JARID2: variants seen among roughly 807,000 people sequenced by gnomAD.
The protein encoded by JARID2 is protein Jumonji.
Under a neutral mutation model 125.6 loss-of-function variants are expected in JARID2, and 21 were observed. The ratio of observed to expected loss-of-function variants is 0.17; its 90% CI spans 0.12 to 0.24. The LOEUF (loss-of-function observed/expected upper bound fraction) is 0.24. JARID2 is among the 10% of genes least tolerant of loss of function. The pLI is 1.00. For synonymous variants in JARID2, 736 were observed against 661.6 expected (o/e 1.11, Z -1.73); for missense variants, 1,303 against 1,639.6 (o/e 0.79, Z 3.55).
chr6:15,472,810 C>G (rs1016456771), intron 5 of JARID2, among the ~76,000 whole-genome samples: 1 of 152,246 alleles, frequency 6.6e-6, no homozygotes, highest in Non-Finnish European at 1.5e-5. Context: ...TGAGCAGGCA[C>G]TCACTTCCTG....
chr6:15,282,134 G>A (rs1190369598), intron 1 of JARID2, among the ~76,000 whole-genome samples: 4 of 152,144 alleles, frequency 2.6e-5, no homozygotes, highest in Non-Finnish European at 4.4e-5. Flanking sequence ...GTAGAGACCA[G>A]GTTTCACCAT....
At chr6:15,515,573 G>A (rs955927575) in intron 16 of JARID2, among the ~76,000 whole-genome samples, 19 of 152,090 alleles carry the variant, frequency 1.2e-4, no homozygotes, top group Admixed American at 1.2e-3. Flanking sequence ...ATCACTCGAG[G>A]CCAGGAGTGC....
At chr6:15,261,784 ATTT>A (rs58582193) in intron 1 of JARID2, among the ~76,000 whole-genome samples, 2 of 134,830 alleles carry the variant, frequency 1.5e-5, no homozygotes, top group South Asian at 2.4e-4. Context: ...AAATTCAGGG[ATTT>A]TTTTTTTTTT....
rs1230227826 is a variant in JARID2 at position 15,295,323 on chromosome 6, G to A, written c.45+48739G>A. ...TTTTTAGTAGAGACGGGATTTCACC[G>A]TGTTAGCCAGGATGGTCTTGATCTC... is the stretch of plus-strand genomic sequence containing the variant. On this transcript the variant is annotated intron_variant, in intron 1 of 17. Coordinates refer to ENST00000341776, the MANE Select transcript of JARID2 (RefSeq NM_004973.4). Among the ~76,000 whole-genome samples the A allele has an allele frequency of 2.0e-5, 3 of 151,946 alleles. 1 individual carries two copies. The highest frequency in any genetic ancestry group is 4.2e-4 in the South Asian group (2 of 4,814).
At chr6:15,320,848 C>G (rs565967569) in intron 1 of JARID2, among the ~76,000 whole-genome samples, 4,981 of 134,658 alleles carry the variant, frequency 0.037, 126 homozygotes, top group South Asian at 0.12. Flanking sequence ...TTCTCTCTCT[C>G]TCTCTGTGTG....
At chr6:15,263,065 GGTGTGTGTTT>G (rs772054374) in intron 1 of JARID2, among the ~76,000 whole-genome samples, 3,732 of 141,054 alleles carry the variant, frequency 0.026, 148 homozygotes, top group African/African-American at 0.095. Flanking sequence ...CCCTTTGGAG[GGTGTGTGTTT>G]GTGTGTGTGT....
At chr6:15,275,099 T>C (rs889991917) in intron 1 of JARID2, among the ~76,000 whole-genome samples, 1 of 152,198 alleles carries the variant, frequency 6.6e-6, no homozygotes, top group Non-Finnish European at 1.5e-5. Context: ...GGTGACAACC[T>C]CGGACCAGTG....
intron 1 of JARID2, among the ~76,000 whole-genome samples, chr6:15,258,559 G>A (rs1341634759): frequency 2.6e-5 from 4 of 152,124 alleles, no homozygotes; most frequent in Non-Finnish European, 4.4e-5. Context: ...CAAGGCGGGC[G>A]GATCACAAGG....
At chr6:15,513,527 C>T in intron 16 of JARID2, 105 bp downstream of exon 16, 4 of 1,117,976 alleles carry the variant, frequency 3.6e-6, no homozygotes, top group Non-Finnish European at 5.0e-6. Flanking sequence ...AGGAGACCTG[C>T]TGTGCTCCCA....
intron 1 of JARID2, among the ~76,000 whole-genome samples, chr6:15,320,858 G>C (rs1429257080): frequency 6.6e-6 from 1 of 151,136 alleles, no homozygotes; most frequent in African/African-American, 2.4e-5. Flanking sequence ...CTCTCTGTGT[G>C]TGTGTGTGTG....
Position 15,496,983 on chromosome 6 carries a change from G to T in JARID2, c.1758G>T (p.Met586Ile). 1 of 1,614,008 alleles carries T rather than the reference G, an allele frequency of 6.2e-7. No homozygotes were observed. Among genetic ancestry groups the T allele is most frequent in the Non-Finnish European group, 8.5e-7 (1 of 1,179,940 alleles). The change falls in exon 7 of 18, where the codon ATG (methionine) becomes ATT (isoleucine). Residue 586 changes from methionine to isoleucine, a missense_variant. Met to Ile is a conservative substitution (Grantham distance 10). Around this residue, in one of 11 missense-constraint regions of JARID2, gnomAD observed 651 missense variants for 581.6 expected, o/e 1.12. Transcript: ENST00000341776. ...GCGCTCAGGTGGAGAAGTTCGGGAT[G>T]TGCAGGGTGATCCCCCCTCCGGACT... ...SVRAQVEKFG[M>I]CRVIPPPDWR...
intron 1 of JARID2, among the ~76,000 whole-genome samples, chr6:15,335,757 T>A (rs1350744110): frequency 1.3e-5 from 2 of 152,170 alleles, no homozygotes; most frequent in African/African-American, 4.8e-5. Context: ...GCTCAGTGTT[T>A]CTGTGGACCA....
intron 1 of JARID2, among the ~76,000 whole-genome samples, chr6:15,334,025 G>A (rs912661038): frequency 3.3e-5 from 5 of 152,088 alleles, no homozygotes; most frequent in Non-Finnish European, 5.9e-5. Flanking sequence ...ACATCTTAGC[G>A]TGCGGAAGTC....
At position 15,511,281 on chromosome 6, in the gene JARID2, C is replaced by G. The variant is rs1561916685; in HGVS notation, c.2847-15C>G. 6.3e-7 allele frequency: 1 copy of G among 1,577,850 alleles called. No individual in the cohort carries two copies. The highest frequency in any genetic ancestry group is 8.7e-7 in the Non-Finnish European group (1 of 1,146,982). On this transcript the variant is annotated splice_polypyrimidine_tract_variant and intron_variant, in intron 12 of 17. Transcript: ENST00000341776. ...TCAAGTCTCTGCTTGTCTCTTGTGT[C>G]TCTCAATGACCCAGGTATTGCATTC...
rs370589584 is a variant in JARID2, at chr6:15,463,441, TTTTTC to T, written c.494-5100_494-5096del. On this transcript the variant is annotated intron_variant, in intron 4 of 17. Coordinates refer to ENST00000341776, the MANE Select transcript of JARID2 (RefSeq NM_004973.4). ...AGCCCTTTCCTTTTTTTTTTTTTTT[TTTTTC>T]CGAGGTGGAGTTGCCCTCTTGTTGC... Among the ~76,000 whole-genome samples the T allele has an allele frequency of 7.6e-3, 335 of 44,168 alleles. 2 individuals carry two copies. The highest frequency in any genetic ancestry group is 0.031 in the African/African-American group (254 of 8,296). 29.0% of individuals were successfully genotyped at this position (44,168 alleles called of 152,430 possible).
chr6:15,425,943 G>C (rs1198315929), intron 3 of JARID2, among the ~76,000 whole-genome samples: 7 of 152,156 alleles, frequency 4.6e-5, no homozygotes. Flanking sequence ...TTAGTATTGT[G>C]CTTTTCTGGG....
intron 1 of JARID2, among the ~76,000 whole-genome samples, chr6:15,349,521 T>C (rs1763355232): frequency 6.6e-6 from 1 of 152,192 alleles, no homozygotes; most frequent in Admixed American, 6.5e-5. Flanking sequence ...TGCACTGTTT[T>C]AGAAGTGGGA....
chr6:15,459,879 C>G (rs533487624), intron 4 of JARID2, among the ~76,000 whole-genome samples: 2 of 152,330 alleles, frequency 1.3e-5, no homozygotes, highest in African/African-American at 4.8e-5. Flanking sequence ...TTGCAAGGAA[C>G]ACTATGGTGC....
chr6:15,517,112 C>A, intron 16 of JARID2, 49 bp from the exon 17 acceptor site: 1 of 1,393,886 alleles, frequency 7.2e-7, no homozygotes, highest in Non-Finnish European at 1.0e-6. Context: ...CCTCCCAGGG[C>A]GCTGTGGAGC....
Sources: gnomAD v4.1 joint callset for allele counts (sites outside exome capture counted in the v4.1 genomes callset) on GRCh38, gnomAD v4.1.1 for gene constraint, gnomAD v4.1.1 regional missense constraint, MANE v1.5 for transcripts, NCBI Gene and HGNC (gene_info 2026-07-23, HGNC 2026-07-21) for gene names.